The following DSCAM variants were observed in gnomAD, a reference collection of about 807,000 sequenced individuals.
DSCAM encodes cell adhesion molecule DSCAM.
In DSCAM, 47 loss-of-function variants were observed where a neutral mutation model predicts 217.7. The observed-to-expected ratio is 0.22, with a 90% CI of 0.17 to 0.28. The LOEUF (loss-of-function observed/expected upper bound fraction) is 0.28, where lower values mean the gene tolerates loss of function less well. Ranked by LOEUF, DSCAM falls within the 10% of genes least tolerant of loss-of-function variation. The pLI is 1.00. For missense variants in DSCAM, 2,080 were observed against 2,618.3 expected, an observed-to-expected ratio of 0.79 and a Z score of 4.49; for synonymous variants, 1,056 against 1,015.3, an observed-to-expected ratio of 1.04 and a Z score of -0.76.
chr21:40,584,993 G>T (rs999769132), intron 3 of DSCAM, among the ~76,000 whole-genome samples: 2 of 152,034 alleles, frequency 1.3e-5, no homozygotes, highest in African/African-American at 4.8e-5. Flanking sequence ...GCTCCCAAGA[G>T]CTGGTTGTTA....
chr21:40,107,596 T>C (rs1031454846), intron 20 of DSCAM, among the ~76,000 whole-genome samples: 18 of 152,058 alleles, frequency 1.2e-4, no homozygotes, highest in African/African-American at 4.3e-4. Flanking sequence ...ATATTGTCAG[T>C]GGGGTGTTAA....
chr21:40,829,014 G>A (rs963211676), intron 1 of DSCAM, among the ~76,000 whole-genome samples: 1 of 152,162 alleles, frequency 6.6e-6, no homozygotes, highest in Non-Finnish European at 1.5e-5. Flanking sequence ...ACTCTGTATG[G>A]CCTGCCCTGT....
At chr21:40,315,555 CA>C (rs1185378699) in intron 8 of DSCAM, among the ~76,000 whole-genome samples, 1 of 152,112 alleles carries the variant, frequency 6.6e-6, no homozygotes, top group African/African-American at 2.4e-5. Context: ...ATAGAAGAAT[CA>C]GCATTAAAAC....
chr21:40,121,992 G>A (rs975077501), intron 20 of DSCAM, among the ~76,000 whole-genome samples: 10 of 151,988 alleles, frequency 6.6e-5, no homozygotes, highest in African/African-American at 2.4e-4. Flanking sequence ...TGCCTTGCTG[G>A]CCCTCATTAC....
intron 3 of DSCAM, among the ~76,000 whole-genome samples, chr21:40,634,782 G>A (rs1435649653): frequency 4.6e-5 from 7 of 152,180 alleles, no homozygotes; most frequent in Non-Finnish European, 8.8e-5. Context: ...GGTAATAACT[G>A]AGCGAGAAGA....
At chr21:40,205,217 T>C (rs2091111410) in intron 11 of DSCAM, among the ~76,000 whole-genome samples, 1 of 152,198 alleles carries the variant, frequency 6.6e-6, no homozygotes, top group Admixed American at 6.5e-5. Flanking sequence ...AGAAACCTGC[T>C]AGAAGATTCA....
intron 3 of DSCAM, among the ~76,000 whole-genome samples, chr21:40,554,190 T>C (rs1015837319): frequency 2.0e-5 from 3 of 150,970 alleles, no homozygotes; most frequent in Non-Finnish European, 2.9e-5. Flanking sequence ...TTTGTTTTGA[T>C]TGTTAGTTTT....
At chr21:40,559,326 CG>C (rs1333842665) in intron 3 of DSCAM, among the ~76,000 whole-genome samples, 1 of 151,954 alleles carries the variant, frequency 6.6e-6, no homozygotes, top group Non-Finnish European at 1.5e-5. Context: ...GGCGCGGTGG[CG>C]GGCGCCTGTA....
chr21:40,218,913 T>C (rs1020521980), intron 11 of DSCAM, among the ~76,000 whole-genome samples: 2 of 152,328 alleles, frequency 1.3e-5, no homozygotes, highest in East Asian at 1.9e-4. Context: ...TCTCTACATA[T>C]AGAATCATGT....
At chr21:40,374,933 G>A (rs893926812) in intron 3 of DSCAM, among the ~76,000 whole-genome samples, 1 of 152,156 alleles carries the variant, frequency 6.6e-6, no homozygotes, top group Non-Finnish European at 1.5e-5. Flanking sequence ...TTTTGTGATA[G>A]TAGCCCAAGC....
intron 3 of DSCAM, among the ~76,000 whole-genome samples, chr21:40,628,219 A>G (rs1276569870): frequency 6.6e-6 from 1 of 152,226 alleles, no homozygotes; most frequent in Non-Finnish European, 1.5e-5. Flanking sequence ...GAGTAGCATT[A>G]TTAGAGAAGA....
intron 3 of DSCAM, among the ~76,000 whole-genome samples, chr21:40,485,514 T>C (rs1006225036): frequency 2.6e-5 from 4 of 151,296 alleles, no homozygotes; most frequent in Non-Finnish European, 5.9e-5. Flanking sequence ...AGTGCTGGGA[T>C]TACAGGCGTG....
intron 20 of DSCAM, among the ~76,000 whole-genome samples, chr21:40,116,640 T>C (rs761905453): frequency 2.0e-5 from 3 of 151,730 alleles, no homozygotes; most frequent in Non-Finnish European, 4.4e-5. Context: ...TGGAATACAA[T>C]TGTCTATTTT....
intron 14 of DSCAM, among the ~76,000 whole-genome samples, chr21:40,182,646 GGGGT>G (rs1466757141): frequency 6.9e-5 from 9 of 131,074 alleles, no homozygotes; most frequent in African/African-American, 2.9e-4. Context: ...TGGACAGGAG[GGGGT>G]TACCAGAGAA....
chr21:40,820,368 C>T (rs922408934), intron 1 of DSCAM, among the ~76,000 whole-genome samples: 2 of 152,034 alleles, frequency 1.3e-5, no homozygotes, highest in South Asian at 4.2e-4. Flanking sequence ...GAACAGAAAA[C>T]CAAACACTGC....
At chr21:40,700,735 C>CTTT (rs775869471) in intron 2 of DSCAM, among the ~76,000 whole-genome samples, 1 of 137,964 alleles carries the variant, frequency 7.2e-6, no homozygotes, top group Non-Finnish European at 1.6e-5. Flanking sequence ...TTCTTTCTTT[C>CTTT]TTTTTTTTTT....
Position 40,062,916 on chromosome 21 carries a change from A to G in DSCAM, c.4889-17T>C. 1 of 1,597,012 alleles carries G rather than the reference A, an allele frequency of 6.3e-7. No individual in the cohort carries two copies. On this transcript the variant is annotated splice_polypyrimidine_tract_variant and intron_variant, in intron 27 of 32. Coordinates refer to ENST00000400454, the MANE Select transcript of DSCAM (RefSeq NM_001389.5). ...TCTTTGCATCTGGGGAAAGAAAGTT[A>G]ACATTAGTACATGGTAAATAACTCA... is the stretch of plus-strand genomic sequence containing the variant.
At chr21:40,307,597 G>T (rs1016677498) in intron 9 of DSCAM, among the ~76,000 whole-genome samples, 2 of 152,086 alleles carry the variant, frequency 1.3e-5, no homozygotes, top group African/African-American at 4.8e-5. Context: ...ATACCCAAAG[G>T]ACTATAAATC....
chr21:40,434,930 A>T (rs2075569600), intron 3 of DSCAM, among the ~76,000 whole-genome samples: 1 of 152,142 alleles, frequency 6.6e-6, no homozygotes, highest in African/African-American at 2.4e-5. Context: ...GTTGAGTGGG[A>T]CAAGTAGGAA....
Sources: allele counts gnomAD v4.1 joint callset (sites outside exome capture counted in the v4.1 genomes callset), GRCh38; gene constraint gnomAD v4.1.1; transcripts MANE v1.5; gene names NCBI Gene and HGNC (gene_info 2026-07-23, HGNC 2026-07-21).